Variants in BIN3 observed in about 807,000 individuals in gnomAD.
BIN3 encodes bridging integrator 3.
BIN3 carries 41 observed loss-of-function variants against 38.2 expected under a neutral mutation model. The ratio of observed to expected loss-of-function variants is 1.07; its 90% CI spans 0.84 to 1.39. The LOEUF (loss-of-function observed/expected upper bound fraction) is 1.39, where lower values mean the gene tolerates loss of function less well. Ranked by LOEUF, BIN3 falls within the 40% of genes most tolerant of loss-of-function variation. The pLI is 0.00. For missense variants in BIN3, 361 were observed against 324.3 expected (o/e 1.11, Z -0.87); for synonymous variants, 145 against 122.6 (o/e 1.18, Z -1.21).
At chr8:22,634,639 A>G (rs1802311931) in intron 4 of BIN3, 8 of 427,514 alleles carry the variant, frequency 1.9e-5, no homozygotes, top group South Asian at 1.4e-4. Flanking sequence ...TCCCACCCGT[A>G]GGTGCCCACT....
intron 1 of BIN3, among the ~76,000 whole-genome samples, chr8:22,668,310 AG>A (rs1463129150): frequency 6.8e-4 from 103 of 152,332 alleles, no homozygotes; most frequent in African/African-American, 1.8e-3. Flanking sequence ...ACCATTATGA[AG>A]TGTCTACTAT....
intron 2 of BIN3, among the ~76,000 whole-genome samples, chr8:22,637,709 G>A (rs1802417709): frequency 6.6e-6 from 1 of 152,206 alleles, no homozygotes. Context: ...CTCATGATTG[G>A]TCTCTTATGG....
chr8:22,621,579 C>A lies in BIN3; in HGVS notation c.616-11G>T, dbSNP rs555129751. 2.5e-6 allele frequency: 4 copies of A among 1,612,862 alleles called. No individual in the cohort carries two copies. The African/African-American group carries it at 5.3e-5, about 22-fold the overall frequency. On this transcript the variant is annotated splice_polypyrimidine_tract_variant and intron_variant, in intron 8 of 8. Coordinates refer to ENST00000276416, the MANE Select transcript of BIN3 (RefSeq NM_018688.6). ...CGAGTAGTACACAACCTGGGGGAGG[C>A]GACAGGGGTTGGCACGTGCTGGCTC...
At chr8:22,637,109 T>C in intron 2 of BIN3, 147 bp from the exon 3 acceptor site, 1 of 711,878 alleles carries the variant, frequency 1.4e-6, no homozygotes. Context: ...AGATCGCTCC[T>C]GACACGGTAT....
intron 2 of BIN3, among the ~76,000 whole-genome samples, chr8:22,641,589 G>A (rs977456453): frequency 2.0e-5 from 3 of 152,196 alleles, no homozygotes; most frequent in African/African-American, 7.2e-5. Context: ...GATGCTCTGC[G>A]TGGAAAGTGG....
intron 4 of BIN3, chr8:22,634,467 G>T (rs17746902): frequency 0.65 from 297,058 of 455,828 alleles, 98,864 homozygotes; most frequent in Admixed American, 0.73. Context: ...TTCCTTTTGT[G>T]ATCAGTGCTT....
At position 22,621,206 on chromosome 8, in the gene BIN3, C is replaced by G. The variant is rs1801792108; in HGVS notation, c.*216G>C. ...AAATAAAAAAGCCCCAAGGGTTTGT[C>G]TACACTGCTTACCTGCTGGGGCTGT... On this transcript the variant is annotated 3_prime_UTR_variant, in exon 9 of 9. Transcript: ENST00000276416. The G allele has an allele frequency of 1.6e-6, 1 of 615,234 alleles. No individual in the cohort carries two copies. Among genetic ancestry groups the G allele is most frequent in the Non-Finnish European group, 2.8e-6 (1 of 356,388 alleles). 38.1% of individuals were successfully genotyped at this position (615,234 alleles called of 1,614,324 possible).
chr8:22,630,145 G>T, intron 5 of BIN3, 141 bp from the exon 6 acceptor site: 1 of 1,057,904 alleles, frequency 9.5e-7, no homozygotes, highest in Non-Finnish European at 1.4e-6. Flanking sequence ...GCTTTGCTCA[G>T]GGTGGAGGCC....
At chr8:22,653,706 G>A (rs1293636558) in intron 1 of BIN3, among the ~76,000 whole-genome samples, 2 of 152,130 alleles carry the variant, frequency 1.3e-5, no homozygotes, top group Non-Finnish European at 2.9e-5. Flanking sequence ...GAAGACAGAG[G>A]TTTTCCTAAC....
chr8:22,635,088 T>C (rs1370101745), intron 4 of BIN3, among the ~76,000 whole-genome samples: 2 of 152,170 alleles, frequency 1.3e-5, no homozygotes, highest in Non-Finnish European at 2.9e-5. Flanking sequence ...TGCACCACCT[T>C]AGGGCCTCCG....
intron 1 of BIN3, among the ~76,000 whole-genome samples, chr8:22,658,420 T>A (rs1392405885): frequency 1.3e-5 from 2 of 152,262 alleles, no homozygotes; most frequent in Non-Finnish European, 2.9e-5. Context: ...ATGATGCCAG[T>A]TGGCTAATTC....
chr8:22,625,108 C>A (rs1801963057), intron 6 of BIN3: 4 of 536,038 alleles, frequency 7.5e-6, no homozygotes, highest in Non-Finnish European at 1.3e-5. Flanking sequence ...TCCACTGTGA[C>A]TAGAAGGGAC....
chr8:22,669,052 G>A lies in BIN3; in HGVS notation c.-1C>T. 1 of 1,591,032 alleles carries A rather than the reference G, an allele frequency of 6.3e-7. No individual in the cohort carries two copies. The highest frequency in any genetic ancestry group is 8.6e-7 in the Non-Finnish European group (1 of 1,169,332). On this transcript the variant is annotated 5_prime_UTR_variant, in exon 1 of 9. Coordinates refer to ENST00000276416, the MANE Select transcript of BIN3 (RefSeq NM_018688.6). ...GCCTGGGCCTCACTCACCAGCTCAT[G>A]GTCCCGAACCTGCGTCTGCCGCCGG...
At chr8:22,631,896 T>C (rs1802214889) in intron 4 of BIN3, among the ~76,000 whole-genome samples, 1 of 152,144 alleles carries the variant, frequency 6.6e-6, no homozygotes, top group South Asian at 2.1e-4. Flanking sequence ...CTCCATTATT[T>C]CTAGATTCTA....
In BIN3 at chr8:22,644,755, T is replaced by A. The variant is rs763691923; in HGVS notation, c.57A>T (p.Thr19=). ...GQPKKQIVPK[T]VERDFEREYG... is the part of the protein sequence containing the mutation. ...ACAGCAAAACAATCGAGTTACTCAC[T>A]GTTTTGGGCACAATCTGTTTCTTGG... Residue 19 remains threonine (T), a splice_region_variant and synonymous_variant, in exon 2 of 9, where the codon ACA becomes ACT. Transcript: ENST00000276416. The A allele has an allele frequency of 6.2e-7, 1 of 1,611,658 alleles. No homozygotes were observed. The highest frequency in any genetic ancestry group is 1.7e-5 in the Admixed American group (1 of 59,710).
intron 6 of BIN3, among the ~76,000 whole-genome samples, chr8:22,627,839 C>G (rs1219159769): frequency 1.3e-5 from 2 of 152,262 alleles, no homozygotes; most frequent in African/African-American, 4.8e-5. Context: ...TCCTGCACCA[C>G]GCTGGCAGCT....
At chr8:22,635,059 C>T (rs989040127) in intron 4 of BIN3, among the ~76,000 whole-genome samples, 2 of 152,204 alleles carry the variant, frequency 1.3e-5, no homozygotes, top group African/African-American at 4.8e-5. Flanking sequence ...TGCTGCCTCT[C>T]CTGCATCTCT....
chr8:22,646,303 G>C (rs1197984370), intron 1 of BIN3, among the ~76,000 whole-genome samples: 1 of 152,170 alleles, frequency 6.6e-6, no homozygotes, highest in African/African-American at 2.4e-5. Flanking sequence ...CTCTCAGCCA[G>C]CCATGCTCAT....
intron 1 of BIN3, among the ~76,000 whole-genome samples, chr8:22,653,131 G>A (rs1397005435): frequency 1.8e-4 from 27 of 152,190 alleles, no homozygotes; most frequent in Non-Finnish European, 1.8e-4. Context: ...TTGAATTAAT[G>A]ACAGTGACCA....
Sources: allele counts gnomAD v4.1 joint callset (sites outside exome capture counted in the v4.1 genomes callset), GRCh38; gene constraint gnomAD v4.1.1; transcripts MANE v1.5; gene names NCBI Gene and HGNC (gene_info 2026-07-23, HGNC 2026-07-21).